ADCY2: variants seen among roughly 807,000 people sequenced by gnomAD.
ADCY2 encodes the protein adenylate cyclase 2.
ADCY2 carries 31 observed loss-of-function variants against 125.2 expected under a neutral mutation model. The observed-to-expected ratio is 0.25, with a 90% confidence interval of 0.19 to 0.33. ADCY2 has a LOEUF of 0.33. ADCY2 is among the 10% of genes least tolerant of loss of function. The pLI is 1.00. For synonymous variants in ADCY2, 512 were observed against 548.4 expected (o/e 0.93, Z 0.93); for missense variants, 904 against 1,418.2 (o/e 0.64, Z 5.82).
At chr5:7,612,938 C>T (rs1044500636) in intron 3 of ADCY2, among the ~76,000 whole-genome samples, 6 of 152,104 alleles carry the variant, frequency 3.9e-5, no homozygotes, top group Non-Finnish European at 5.9e-5. Flanking sequence ...ATGGCGTGAA[C>T]CCGGGAGGCG....
intron 3 of ADCY2, among the ~76,000 whole-genome samples, chr5:7,577,568 C>G (rs1165901132): frequency 6.6e-6 from 1 of 152,052 alleles, no homozygotes; most frequent in African/African-American, 2.4e-5. Context: ...AAGTGGTGAG[C>G]CTGGCTCCAG....
intron 14 of ADCY2, among the ~76,000 whole-genome samples, chr5:7,740,187 TA>T (rs1742368744): frequency 1.3e-5 from 2 of 151,882 alleles, no homozygotes; most frequent in South Asian, 4.1e-4. Context: ...AAACAGCTTA[TA>T]GAATAAAGGA....
intron 4 of ADCY2, among the ~76,000 whole-genome samples, chr5:7,647,494 G>A (rs1738941628): frequency 6.6e-6 from 1 of 152,228 alleles, no homozygotes; most frequent in Non-Finnish European, 1.5e-5. Context: ...ATCTCCACCT[G>A]CTTTCCATGA....
intron 4 of ADCY2, among the ~76,000 whole-genome samples, chr5:7,675,023 C>T (rs1029765272): frequency 7.9e-5 from 12 of 151,844 alleles, no homozygotes; most frequent in African/African-American, 9.7e-5. Flanking sequence ...GGCGTGGTGG[C>T]GGGCACCTGT....
rs1419795225 is a variant in ADCY2, at chr5:7,532,828, C to T, written c.570+11929C>T. ...GTTTTTCTTTAATTCGTGGCTTGAT[C>T]CTTTTGAGCAATAACTCAATAAGGA... On this transcript the variant is annotated intron_variant, in intron 3 of 24. Transcript: ENST00000338316. 2.0e-5 allele frequency among the ~76,000 whole-genome samples: 3 copies of T among 151,878 alleles called. No individual in the cohort carries two copies. The East Asian group carries it at 5.8e-4, about 29-fold the overall frequency.
intron 4 of ADCY2, among the ~76,000 whole-genome samples, chr5:7,686,962 T>C (rs973295140): frequency 6.6e-6 from 1 of 152,176 alleles, no homozygotes; most frequent in Non-Finnish European, 1.5e-5. Flanking sequence ...ACTCAAAGCA[T>C]GGACCCTGAG....
At chr5:7,698,791 T>A (rs1740978455) in intron 7 of ADCY2, among the ~76,000 whole-genome samples, 2 of 152,360 alleles carry the variant, frequency 1.3e-5, no homozygotes, top group South Asian at 2.1e-4. Context: ...CTATCGTTGG[T>A]GGACTTTTGG....
intron 2 of ADCY2, among the ~76,000 whole-genome samples, chr5:7,418,960 C>G (rs1334581273): frequency 6.6e-6 from 1 of 152,076 alleles, no homozygotes. Flanking sequence ...GCCCTGGTGT[C>G]TTTTACTACA....
chr5:7,575,629 C>T (rs1196921071), intron 3 of ADCY2, among the ~76,000 whole-genome samples: 5 of 152,030 alleles, frequency 3.3e-5, no homozygotes, highest in Non-Finnish European at 5.9e-5. Flanking sequence ...GTCCTAGATC[C>T]TCTCTTGCTG....
chr5:7,688,230 A>G (rs1230083194), intron 4 of ADCY2, among the ~76,000 whole-genome samples: 2 of 151,356 alleles, frequency 1.3e-5, no homozygotes, highest in African/African-American at 2.4e-5. Context: ...TCCTCTGTTC[A>G]TGTCTGAGGA....
intron 22 of ADCY2, among the ~76,000 whole-genome samples, chr5:7,812,981 G>A (rs1038746501): frequency 7.9e-5 from 12 of 152,210 alleles, no homozygotes; most frequent in African/African-American, 2.9e-4. Flanking sequence ...GCCCAGAGAA[G>A]TTAAATGACT....
intron 3 of ADCY2, among the ~76,000 whole-genome samples, chr5:7,625,488 G>T (rs1403160091): frequency 6.6e-6 from 1 of 152,166 alleles, no homozygotes; most frequent in African/African-American, 2.4e-5. Flanking sequence ...ATTATTTTTA[G>T]TTTGTCTTTA....
At chr5:7,810,804 T>G (rs1030440400) in intron 22 of ADCY2, among the ~76,000 whole-genome samples, 2 of 152,174 alleles carry the variant, frequency 1.3e-5, no homozygotes, top group Admixed American at 6.5e-5. Flanking sequence ...CCCTATTGCC[T>G]CATTCCTTCT....
At chr5:7,510,899 A>G (rs1744030575) in intron 2 of ADCY2, among the ~76,000 whole-genome samples, 1 of 152,258 alleles carries the variant, frequency 6.6e-6, no homozygotes, top group Non-Finnish European at 1.5e-5. Flanking sequence ...AAAGAGGTTA[A>G]GATGAGCAGG....
At chr5:7,615,268 T>G (rs1461035925) in intron 3 of ADCY2, among the ~76,000 whole-genome samples, 7 of 152,170 alleles carry the variant, frequency 4.6e-5, no homozygotes, top group Non-Finnish European at 1.5e-5. Context: ...ATCACTCCCC[T>G]TGCCTCCTCA....
At chr5:7,448,627 T>C (rs1741366139) in intron 2 of ADCY2, among the ~76,000 whole-genome samples, 1 of 152,142 alleles carries the variant, frequency 6.6e-6, no homozygotes, top group Non-Finnish European at 1.5e-5. Context: ...TTCCTGTTGC[T>C]CTCCCTCCCC....
chr5:7,692,807 C>G (rs1426433780), intron 5 of ADCY2, among the ~76,000 whole-genome samples: 2 of 152,134 alleles, frequency 1.3e-5, no homozygotes, highest in Non-Finnish European at 2.9e-5. Context: ...AATCAAGTCT[C>G]TCCCGTAAAT....
intron 1 of ADCY2, among the ~76,000 whole-genome samples, chr5:7,410,348 A>G (rs1249343899): frequency 6.6e-6 from 1 of 152,224 alleles, no homozygotes; most frequent in Non-Finnish European, 1.5e-5. Context: ...AGAAAAAAGA[A>G]AAAGTACATT....
intron 2 of ADCY2, among the ~76,000 whole-genome samples, chr5:7,459,826 G>GC (rs1175683010): frequency 1.8e-5 from 2 of 110,896 alleles, no homozygotes; most frequent in Non-Finnish European, 3.3e-5. Flanking sequence ...TGGCTCTCTC[G>GC]CCCAGGCTGG....
Sources: allele counts gnomAD v4.1 joint callset (sites outside exome capture counted in the v4.1 genomes callset), GRCh38; gene constraint gnomAD v4.1.1; transcripts MANE v1.5; gene names NCBI Gene and HGNC (gene_info 2026-07-23, HGNC 2026-07-21).